Variants in ELP3 observed in about 807,000 individuals in gnomAD.
ELP3 encodes the protein elongator acetyltransferase complex subunit 3.
ELP3 carries 56 observed loss-of-function variants against 74.9 expected under a neutral mutation model. The ratio of observed to expected loss-of-function variants is 0.75; its 90% CI spans 0.60 to 0.93. The LOEUF (loss-of-function observed/expected upper bound fraction) is 0.93, where lower values mean the gene tolerates loss of function less well. Among genes scored for constraint, ELP3 ranks in the 40% least tolerant of loss-of-function variants. The pLI, the probability that ELP3 is intolerant of heterozygous loss-of-function variation, is 0.00. For missense variants in ELP3, 573 were observed against 686.5 expected, an observed-to-expected ratio of 0.83 and a Z score of 1.85; for synonymous variants, 222 against 239.8, an observed-to-expected ratio of 0.93 and a Z score of 0.68.
intron 8 of ELP3, 138 bp downstream of exon 8, chr8:28,129,801 TTCTG>T: frequency 3.0e-6 from 3 of 999,276 alleles, no homozygotes; most frequent in Non-Finnish European, 4.4e-6. Flanking sequence ...GAGTTCTTTC[TTCTG>T]TCTGTGTTCT....
chr8:28,112,946 G>A, intron 6 of ELP3, 73 bp from the exon 7 acceptor site: 1 of 1,365,188 alleles, frequency 7.3e-7, no homozygotes, highest in Non-Finnish European at 1.0e-6. Flanking sequence ...TGCAAAATAA[G>A]AGATTTGCAA....
chr8:28,136,138 T>A (rs1348881565), intron 9 of ELP3, among the ~76,000 whole-genome samples: 2 of 152,082 alleles, frequency 1.3e-5, no homozygotes, highest in East Asian at 1.9e-4. Flanking sequence ...ATTTTTGTAT[T>A]TTTAGTAGAG....
intron 14 of ELP3, among the ~76,000 whole-genome samples, chr8:28,186,023 T>C (rs886521581): frequency 6.6e-6 from 1 of 152,238 alleles, no homozygotes; most frequent in Non-Finnish European, 1.5e-5. Flanking sequence ...CTCAGTGACT[T>C]ATACCCAACA....
intron 10 of ELP3, among the ~76,000 whole-genome samples, chr8:28,152,400 T>C (rs1813674603): frequency 6.6e-6 from 1 of 152,236 alleles, no homozygotes; most frequent in Admixed American, 6.5e-5. Context: ...TTTTCTCTCA[T>C]TCTGTGAGTT....
intron 3 of ELP3, among the ~76,000 whole-genome samples, chr8:28,106,159 A>G (rs945365091): frequency 1.3e-5 from 2 of 152,236 alleles, no homozygotes; most frequent in African/African-American, 4.8e-5. Flanking sequence ...AAAATGGAAT[A>G]TAACTTCACA....
intron 14 of ELP3, among the ~76,000 whole-genome samples, chr8:28,174,818 G>A (rs1189496263): frequency 1.3e-5 from 2 of 151,912 alleles, no homozygotes; most frequent in Non-Finnish European, 2.9e-5. Flanking sequence ...TTTCTTATAG[G>A]GCAGGTTTAG....
chr8:28,091,559 T>A (rs910524438), upstream of ELP3, among the ~76,000 whole-genome samples: 6 of 152,340 alleles, frequency 3.9e-5, no homozygotes, highest in East Asian at 1.2e-3. Flanking sequence ...GTTGCCTCAA[T>A]TCTAGTAGGG....
chr8:28,161,948 T>C (rs373304110), intron 13 of ELP3, 49 bp from the exon 14 acceptor site: 118 of 1,591,986 alleles, frequency 7.4e-5, no homozygotes, highest in Non-Finnish European at 9.9e-5. Flanking sequence ...CCCCTCTTAA[T>C]GAACTTCCTT....
rs1192595690 is a variant in ELP3, at chr8:28,180,272, A to G, written c.1568-9377A>G. 5.9e-5 allele frequency among the ~76,000 whole-genome samples: 9 copies of G among 152,254 alleles called. No individual in the cohort carries two copies. In the East Asian group the frequency reaches 1.7e-3, roughly 29 times the overall value. Reference sequence around the variant, plus strand: ...CTGTGACTCCAGTTAAACATATTTTAGACATATTTATTGTATCCACTGTGT... The same window carrying G: ...CTGTGACTCCAGTTAAACATATTTTGGACATATTTATTGTATCCACTGTGT... On this transcript the variant is annotated intron_variant, in intron 14 of 14. Transcript: ENST00000256398.
chr8:28,162,702 A>G (rs1449021396), intron 14 of ELP3, among the ~76,000 whole-genome samples: 1 of 152,210 alleles, frequency 6.6e-6, no homozygotes, highest in Non-Finnish European at 1.5e-5. Flanking sequence ...AAGCCTTTAT[A>G]AGGAAATAAA....
chr8:28,140,249 G>C (rs1813184327), intron 10 of ELP3, among the ~76,000 whole-genome samples: 1 of 151,910 alleles, frequency 6.6e-6, no homozygotes, highest in Admixed American at 6.6e-5. Flanking sequence ...GGAACCTCTT[G>C]TGCCAGAAAG....
intron 7 of ELP3, among the ~76,000 whole-genome samples, chr8:28,121,692 G>A (rs1812380792): frequency 6.6e-6 from 1 of 152,126 alleles, no homozygotes; most frequent in Non-Finnish European, 1.5e-5. Flanking sequence ...TTAATGTTAT[G>A]TCATAAGACC....
At chr8:28,101,146 G>A (rs1162271941) in intron 3 of ELP3, among the ~76,000 whole-genome samples, 2 of 151,996 alleles carry the variant, frequency 1.3e-5, no homozygotes, top group African/African-American at 4.8e-5. Flanking sequence ...AGCCAGGCAC[G>A]GTGGCTCACG....
At chr8:28,109,309 T>G (rs768460670) in intron 5 of ELP3, among the ~76,000 whole-genome samples, 4 of 152,158 alleles carry the variant, frequency 2.6e-5, no homozygotes, top group Non-Finnish European at 4.4e-5. Context: ...CAGGAAAGCT[T>G]GTGACTTTTT....
At chr8:28,161,525 G>A (rs1286787352) in intron 13 of ELP3, among the ~76,000 whole-genome samples, 1 of 150,176 alleles carries the variant, frequency 6.7e-6, no homozygotes, top group South Asian at 2.1e-4. Context: ...AGTGAGCCGA[G>A]ATTGAGCCAG....
upstream of ELP3, among the ~76,000 whole-genome samples, chr8:28,090,884 G>T (rs1305510713): frequency 6.7e-6 from 1 of 150,032 alleles, no homozygotes; most frequent in African/African-American, 2.4e-5. Flanking sequence ...GCTTCAGAGA[G>T]AATAGATTGT....
intron 7 of ELP3, among the ~76,000 whole-genome samples, chr8:28,121,217 T>C (rs897201022): frequency 6.6e-6 from 1 of 152,136 alleles, no homozygotes; most frequent in Admixed American, 6.5e-5. Flanking sequence ...TTGTTGAGAT[T>C]GTATAAGCCT....
chr8:28,115,206 T>TG (rs922256835), intron 7 of ELP3, among the ~76,000 whole-genome samples: 4 of 152,040 alleles, frequency 2.6e-5, no homozygotes, highest in African/African-American at 9.7e-5. Flanking sequence ...GAGATGTCGG[T>TG]GGGCTCTGAA....
chr8:28,102,640 T>A (rs531623247), intron 3 of ELP3, among the ~76,000 whole-genome samples: 77 of 152,290 alleles, frequency 5.1e-4, no homozygotes, highest in Middle Eastern at 3.4e-3. Flanking sequence ...AGAAAAAAAA[T>A]TTATACACTT....
Sources: gnomAD v4.1 joint callset for allele counts (sites outside exome capture counted in the v4.1 genomes callset) on GRCh38, gnomAD v4.1.1 for gene constraint, MANE v1.5 for transcripts, NCBI Gene and HGNC (gene_info 2026-07-23, HGNC 2026-07-21) for gene names.